The following DNMT3B variants were observed in gnomAD, a reference collection of about 807,000 sequenced individuals.
DNMT3B encodes the protein DNA methyltransferase 3 beta.
Under a neutral mutation model 120.2 loss-of-function variants are expected in DNMT3B, and 37 were observed. The observed-to-expected ratio is 0.31, with a 90% CI of 0.24 to 0.40. DNMT3B has a LOEUF of 0.40. Among genes scored for constraint, DNMT3B ranks in the 10% least tolerant of loss-of-function variants. The pLI is 1.00. For missense variants in DNMT3B, 878 were observed against 1,137.3 expected (o/e 0.77, Z 3.28); for synonymous variants, 412 against 442.8 (o/e 0.93, Z 0.87).
In DNMT3B at chr20:32,807,758, C is replaced by T. The variant is rs766802588; in HGVS notation, c.2421-4C>T. 8.7e-6 allele frequency: 14 copies of T among 1,613,946 alleles called. No individual in the cohort carries two copies. In the Admixed American group the frequency reaches 1.8e-4, roughly 21 times the overall value. ...TTGCTGTCTTTTCACTCCGGTACCC[C>T]CAGGATCTTTGGCTTTCCTGTGCAC... On this transcript the variant is annotated splice_polypyrimidine_tract_variant and splice_region_variant and intron_variant, in intron 22 of 22. Coordinates refer to ENST00000328111, the MANE Select transcript of DNMT3B (RefSeq NM_006892.4).
intron 1 of DNMT3B, among the ~76,000 whole-genome samples, chr20:32,778,604 G>A (rs73112133): frequency 0.019 from 2,850 of 152,302 alleles, 41 homozygotes; most frequent in Non-Finnish European, 0.028. Context: ...GCCTGGGGGC[G>A]CCACTGGGCT....
intron 19 of DNMT3B, among the ~76,000 whole-genome samples, chr20:32,801,823 A>T (rs528509955): frequency 6.6e-6 from 1 of 152,122 alleles, no homozygotes; most frequent in African/African-American, 2.4e-5. Flanking sequence ...GGGCTCAAGC[A>T]ATCCGCCCAC....
rs748596797 is a variant in DNMT3B at position 32,807,730 on chromosome 20, G to A, written c.2421-32G>A. On this transcript the variant is annotated intron_variant, in intron 22 of 22. Transcript: ENST00000328111. The stretch of plus-strand genomic sequence containing the variant: ...CTGTCAACATCCTGGAGGCACTTCT[G>A]ACTTGCTGTCTTTTCACTCCGGTAC... The A allele has an allele frequency of 4.4e-5, 71 of 1,613,134 alleles. No individual in the cohort carries two copies. The Middle Eastern group carries it at 6.6e-4, about 15-fold the overall frequency.
intron 1 of DNMT3B, among the ~76,000 whole-genome samples, chr20:32,771,242 C>T (rs1257287446): frequency 6.6e-6 from 1 of 152,114 alleles, no homozygotes; most frequent in Non-Finnish European, 1.5e-5. Context: ...TTAAAGAAAT[C>T]TAGAGAGCAG....
At chr20:32,807,034 G>T (rs1460924982) in intron 22 of DNMT3B, among the ~76,000 whole-genome samples, 3 of 152,176 alleles carry the variant, frequency 2.0e-5, no homozygotes, top group Non-Finnish European at 4.4e-5. Context: ...TATTTATGCT[G>T]TAGATTATTC....
chr20:32,804,569 T>A (rs190799188), intron 20 of DNMT3B, among the ~76,000 whole-genome samples: 5 of 152,290 alleles, frequency 3.3e-5, no homozygotes, highest in African/African-American at 1.2e-4. Flanking sequence ...CAGTTTCTGT[T>A]CTGGAGCTGC....
At chr20:32,765,426 CTT>C (rs1332563220) in intron 1 of DNMT3B, among the ~76,000 whole-genome samples, 3 of 90,252 alleles carry the variant, frequency 3.3e-5, no homozygotes. Flanking sequence ...TTTTTTCTTT[CTT>C]TTTTTTTTTT....
At position 32,806,317 on chromosome 20, in the gene DNMT3B, G is replaced by A; in HGVS notation, c.2410G>A (p.Glu804Lys). The A allele has an allele frequency of 6.2e-7, 1 of 1,614,204 alleles. No homozygotes were observed. The highest frequency in any genetic ancestry group is 8.5e-7 in the Non-Finnish European group (1 of 1,180,040). The change falls in exon 22 of 23, where the codon GAG becomes AAG. Residue 804 changes from glutamate to lysine, a missense_variant. Coordinates refer to ENST00000328111, the MANE Select transcript of DNMT3B (RefSeq NM_006892.4). Reference protein sequence around the residue: ...NGKEDVLWCTELERIFGFPVH... With the variant: ...NGKEDVLWCTKLERIFGFPVH... ...CAAAGAAGATGTTTTGTGGTGCACT[G>A]AGCTCGAAAGGTGAGCAAGGCTGCA...
intron 17 of DNMT3B, 64 bp downstream of exon 17, chr20:32,800,362 C>T: frequency 6.2e-7 from 1 of 1,608,678 alleles, no homozygotes; most frequent in South Asian, 1.1e-5. Flanking sequence ...TCCTCCACAC[C>T]CTGAAACCCA....
At chr20:32,804,339 G>T (rs76374770) in intron 20 of DNMT3B, among the ~76,000 whole-genome samples, 2 of 152,134 alleles carry the variant, frequency 1.3e-5, no homozygotes, top group East Asian at 1.9e-4. Context: ...TGGGCCCTCA[G>T]CTCCCCTGGG....
chr20:32,788,018 T>G (rs566319773), intron 6 of DNMT3B, among the ~76,000 whole-genome samples: 2 of 152,162 alleles, frequency 1.3e-5, no homozygotes, highest in Non-Finnish European at 2.9e-5. Flanking sequence ...TGTCATCACT[T>G]AAGGCAAGGA....
chr20:32,808,135 G>T lies in DNMT3B; in HGVS notation c.*232G>T. ...CTGGCTGCTTGGAGCAGCCTAACAC[G>T]GTGCTCATTTTTTCTTCTCCTAAAA... On this transcript the variant is annotated 3_prime_UTR_variant, in exon 23 of 23. Coordinates refer to ENST00000328111, the MANE Select transcript of DNMT3B (RefSeq NM_006892.4). The T allele has an allele frequency of 1.6e-6, 1 of 618,486 alleles. No homozygotes were observed. The highest frequency in any genetic ancestry group is 2.1e-5 in the South Asian group (1 of 46,824). 38.3% of individuals were successfully genotyped at this position (618,486 alleles called of 1,614,324 possible).
intron 11 of DNMT3B, 25 bp downstream of exon 11, chr20:32,795,559 T>C (rs1466397778): frequency 6.2e-7 from 1 of 1,614,040 alleles, no homozygotes; most frequent in Non-Finnish European, 8.5e-7. Flanking sequence ...CCTGGGATCA[T>C]GGGACAGATG....
chr20:32,781,209 C>T (rs931240631), intron 2 of DNMT3B, 144 bp from the exon 3 acceptor site: 19 of 822,276 alleles, frequency 2.3e-5, no homozygotes, highest in Middle Eastern at 3.2e-4. Context: ...ACGATACTGA[C>T]GGACTGAGAG....
chr20:32,784,876 C>G lies in DNMT3B; in HGVS notation c.306+17C>G, dbSNP rs755496502. 13 of 1,613,350 alleles carry G rather than the reference C, an allele frequency of 8.1e-6. No individual in the cohort carries two copies. Among genetic ancestry groups the G allele is most frequent in the Middle Eastern group, 1.7e-4 (1 of 6,028 alleles). Reference sequence around the variant, plus strand: ...AGCCCAGCTGTAAGTAGCCACACCTCGAGCCAAAGCACTTGTGGCCAACAC... The same window carrying G: ...AGCCCAGCTGTAAGTAGCCACACCTGGAGCCAAAGCACTTGTGGCCAACAC... On this transcript the variant is annotated intron_variant, in intron 4 of 22. Transcript: ENST00000328111.
At chr20:32,765,418 TTTTC>T (rs1353098262) in intron 1 of DNMT3B, among the ~76,000 whole-genome samples, 4 of 133,280 alleles carry the variant, frequency 3.0e-5, no homozygotes, top group South Asian at 2.4e-4. Flanking sequence ...CTTTCTCTTT[TTTTC>T]TTTCTTTTTT....
chr20:32,767,633 C>T (rs769186582), intron 1 of DNMT3B, among the ~76,000 whole-genome samples: 16 of 152,112 alleles, frequency 1.1e-4, no homozygotes, highest in Admixed American at 7.2e-4. Context: ...ATTAAAGTCT[C>T]ACTATGTTGC....
intron 1 of DNMT3B, among the ~76,000 whole-genome samples, chr20:32,768,714 A>G (rs1261097944): frequency 6.6e-6 from 1 of 152,152 alleles, no homozygotes; most frequent in Non-Finnish European, 1.5e-5. Context: ...ATGGGGAGGC[A>G]CTAACTAGGG....
chr20:32,765,371 G>C (rs1482567889), intron 1 of DNMT3B, among the ~76,000 whole-genome samples: 1 of 151,088 alleles, frequency 6.6e-6, no homozygotes. Flanking sequence ...GGCTCTGGAA[G>C]ATACAGGTAC....
Sources: gnomAD v4.1 joint callset for allele counts (sites outside exome capture counted in the v4.1 genomes callset) on GRCh38, gnomAD v4.1.1 for gene constraint, MANE v1.5 for transcripts, NCBI Gene and HGNC (gene_info 2026-07-23, HGNC 2026-07-21) for gene names.